Variants in YLPM1 observed in about 807,000 individuals in gnomAD.
YLPM1 encodes the protein YLP motif containing 1, also known as YLP motif-containing protein 1.
Under a neutral mutation model 230.0 loss-of-function variants are expected in YLPM1, and 99 were observed. That is an observed-to-expected ratio of 0.43 (90% CI 0.37 to 0.51). The LOEUF is 0.51. Among genes scored for constraint, YLPM1 ranks in the 20% least tolerant of loss-of-function variants. The pLI is 0.00. For missense variants in YLPM1, 2,592 were observed against 2,707.7 expected, an observed-to-expected ratio of 0.96 and a Z score of 0.95; for synonymous variants, 984 against 942.5, an observed-to-expected ratio of 1.04 and a Z score of -0.81.
chr14:74,802,043 C>T (rs1365140384), intron 5 of YLPM1, among the ~76,000 whole-genome samples: 3 of 151,726 alleles, frequency 2.0e-5, no homozygotes, highest in Non-Finnish European at 4.4e-5. Context: ...AGTGAAACCC[C>T]GTCTCTACTA....
intron 10 of YLPM1, 105 bp from the exon 11 acceptor site, chr14:74,812,523 A>T (rs1482053797): frequency 4.3e-5 from 51 of 1,191,320 alleles, no homozygotes; most frequent in Non-Finnish European, 5.4e-5. Flanking sequence ...CCCCAAAATC[A>T]CTGGACTTGG....
intron 11 of YLPM1, among the ~76,000 whole-genome samples, chr14:74,814,366 A>C (rs1046443211): frequency 1.3e-5 from 2 of 152,220 alleles, no homozygotes; most frequent in Non-Finnish European, 2.9e-5. Flanking sequence ...GTCTTTAAAA[A>C]AAAGAAGAAT....
Position 74,817,016 on chromosome 14 carries a change from G to A in YLPM1, c.5771G>A (p.Gly1924Asp), listed in dbSNP as rs1287573437. ...FKTFKKTLDD[G>D]FFPFIILDAI... Reference sequence around the variant, plus strand: ...ACTTTCAAAAAGACTCTGGATGATGGCTTTTTTCCCTTCATCATCCTGGAT... The same window carrying A: ...ACTTTCAAAAAGACTCTGGATGATGACTTTTTTCCCTTCATCATCCTGGAT... The change falls in exon 14 of 21, where the codon GGC becomes GAC. Residue 1924 changes from glycine to aspartate, a missense_variant. By Grantham distance (94) the Gly-to-Asp change is moderately conservative (BLOSUM62 -1). This residue lies in a region of YLPM1 where 315 missense variants were observed against 429.3 expected (regional missense o/e 0.73). Coordinates refer to ENST00000325680, the MANE Select transcript of YLPM1 (RefSeq NM_019589.3). 1 of 1,611,884 alleles carries A rather than the reference G, an allele frequency of 6.2e-7. No individual in the cohort carries two copies. Among genetic ancestry groups the A allele is most frequent in the Admixed American group, 1.7e-5 (1 of 59,646 alleles).
chr14:74,834,221 C>T (rs1256417462), intron 19 of YLPM1, among the ~76,000 whole-genome samples: 1 of 149,974 alleles, frequency 6.7e-6, no homozygotes, highest in African/African-American at 2.5e-5. Context: ...TTTTAAAAAG[C>T]ATAATATGTA....
chr14:74,815,181 C>T (rs1040991347), intron 11 of YLPM1, among the ~76,000 whole-genome samples: 1 of 152,198 alleles, frequency 6.6e-6, no homozygotes, highest in Non-Finnish European at 1.5e-5. Context: ...ATTATAGGCA[C>T]ATGCCACTGA....
At chr14:74,813,664 T>A (rs937877291) in intron 11 of YLPM1, among the ~76,000 whole-genome samples, 6 of 152,192 alleles carry the variant, frequency 3.9e-5, no homozygotes, top group African/African-American at 1.4e-4. Context: ...AGGTATTTTG[T>A]GTAATGCTGG....
chr14:74,776,338 T>G (rs1387338183), intron 1 of YLPM1, among the ~76,000 whole-genome samples: 2 of 152,218 alleles, frequency 1.3e-5, no homozygotes, highest in Non-Finnish European at 2.9e-5. Flanking sequence ...CACATAGCCT[T>G]GTTTATGTGT....
Position 74,821,087 on chromosome 14 carries a change from G to A in YLPM1, c.6061G>A (p.Glu2021Lys), listed in dbSNP as rs770129534. Residue 2021 changes from glutamate (E) to lysine (K), a missense_variant, in exon 17 of 21, where the codon GAA becomes AAA. Around this residue, in one of 4 missense-constraint regions of YLPM1, gnomAD observed 315 missense variants for 429.3 expected, o/e 0.73. Transcript: ENST00000325680. ...GATGGAAGATTTTGATGCAAATATC[G>A]AAGAACAGAAAGAAGAAAAGAAAGA... Reference protein sequence around the residue: ...VEMEDFDANIEEQKEEKKDAE... With the variant: ...VEMEDFDANIKEQKEEKKDAE... 2.0e-6 allele frequency: 3 copies of A among 1,534,326 alleles called. No individual in the cohort carries two copies. The highest frequency in any genetic ancestry group is 1.4e-5 in the African/African-American group (1 of 71,556).
intron 1 of YLPM1, among the ~76,000 whole-genome samples, chr14:74,765,575 C>A (rs939334955): frequency 2.6e-5 from 4 of 152,170 alleles, no homozygotes; most frequent in African/African-American, 9.7e-5. Flanking sequence ...TAGAGACAGA[C>A]TTTCTGTCCT....
In YLPM1 at chr14:74,782,234, A is replaced by G. The variant is rs375674613; in HGVS notation, c.2191A>G (p.Ile731Val). 1.4e-5 allele frequency: 23 copies of G among 1,599,902 alleles called. No individual in the cohort carries two copies. The highest frequency in any genetic ancestry group is 4.5e-5 in the East Asian group (2 of 44,884). ...GTCTTCAGCTGCTCCATCTCAGCCAATCACTGCAGTGAAGGACATGCCAGT... is the reference window on the plus strand; with the variant it reads ...GTCTTCAGCTGCTCCATCTCAGCCAGTCACTGCAGTGAAGGACATGCCAGT... The part of the protein sequence containing the change: ...GESSAAPSQP[I>V]TAVKDMPVRS... The change falls in exon 4 of 21, where the codon ATC becomes GTC. Residue 731 changes from isoleucine to valine, a missense_variant. This residue lies in a region of YLPM1 where 1,862 missense variants were observed against 1,819.8 expected (regional missense o/e 1.02). Coordinates refer to ENST00000325680, the MANE Select transcript of YLPM1 (RefSeq NM_019589.3).
chr14:74,797,631 G>A lies in YLPM1; in HGVS notation c.2334G>A (p.Pro778=), dbSNP rs372238771. The A allele has an allele frequency of 3.9e-6, 6 of 1,554,922 alleles. No individual in the cohort carries two copies. Among genetic ancestry groups the A allele is most frequent in the East Asian group, 2.3e-5 (1 of 43,832 alleles). Reference sequence around the variant, plus strand: ...ATTTAGGGTCAAGGTGTGAAGGACCGAGACCCAAAGGGCCTCGTTTTGAAG... The same window carrying A: ...ATTTAGGGTCAAGGTGTGAAGGACCAAGACCCAAAGGGCCTCGTTTTGAAG... ...FEDLGSRCEG[P]RPKGPRFEGN... The change falls in exon 5 of 21, where the codon CCG becomes CCA. Residue 778 remains proline (P), a synonymous_variant. Coordinates refer to ENST00000325680, the MANE Select transcript of YLPM1 (RefSeq NM_019589.3).
chr14:74,804,546 CTT>C (rs2140118226), intron 6 of YLPM1, among the ~76,000 whole-genome samples: 1 of 152,314 alleles, frequency 6.6e-6, no homozygotes, highest in Non-Finnish European at 1.5e-5. Flanking sequence ...AGCCTAGAGT[CTT>C]TTCTTTGCCT....
At chr14:74,777,852 A>G (rs996925960) in intron 1 of YLPM1, among the ~76,000 whole-genome samples, 1 of 151,942 alleles carries the variant, frequency 6.6e-6, no homozygotes, top group Admixed American at 6.6e-5. Context: ...GTGCATGCCT[A>G]CGAACCCAGC....
chr14:74,788,832 ACT>A (rs1383996553), intron 4 of YLPM1, among the ~76,000 whole-genome samples: 4 of 152,134 alleles, frequency 2.6e-5, no homozygotes, highest in African/African-American at 9.7e-5. Context: ...TGAGATCCTG[ACT>A]CAAAAAAAAA....
chr14:74,831,637 C>T (rs1031501666), intron 19 of YLPM1, among the ~76,000 whole-genome samples: 2 of 152,154 alleles, frequency 1.3e-5, no homozygotes, highest in African/African-American at 4.8e-5. Flanking sequence ...TAAAGTTGCT[C>T]CTCTTTAAGT....
intron 1 of YLPM1, among the ~76,000 whole-genome samples, chr14:74,769,930 C>G (rs1479030054): frequency 7.0e-6 from 1 of 143,542 alleles, no homozygotes; most frequent in Non-Finnish European, 1.5e-5. Flanking sequence ...CGCCTGTAAT[C>G]CCAGCACTTT....
Position 74,799,376 on chromosome 14 carries a change from G to A in YLPM1, c.4079G>A (p.Gly1360Glu), listed in dbSNP as rs1401136740. The change falls in exon 5 of 21, where the codon GGG becomes GAG. Residue 1360 changes from glycine to glutamate, a missense_variant. Coordinates refer to ENST00000325680, the MANE Select transcript of YLPM1 (RefSeq NM_019589.3). The stretch of plus-strand genomic sequence containing the variant: ...AGAGAAGAAAGAAATCGAGAGCATG[G>A]GTATGATCGAGATTTCCGTGATAGG... ...RWREERNREH[G>E]YDRDFRDRGE... 6.2e-7 allele frequency: 1 copy of A among 1,613,858 alleles called. No individual in the cohort carries two copies. Among genetic ancestry groups the A allele is most frequent in the African/African-American group, 1.3e-5 (1 of 74,902 alleles).
intron 11 of YLPM1, among the ~76,000 whole-genome samples, chr14:74,813,767 G>A (rs2091454784): frequency 1.3e-5 from 2 of 152,048 alleles, no homozygotes; most frequent in East Asian, 1.9e-4. Context: ...TTTTTGGATT[G>A]TTCCTTGCAA....
chr14:74,797,630 C>T lies in YLPM1; in HGVS notation c.2333C>T (p.Pro778Leu), dbSNP rs546830525. ...FEDLGSRCEG[P>L]RPKGPRFEGN... ...GATTTAGGGTCAAGGTGTGAAGGAC[C>T]GAGACCCAAAGGGCCTCGTTTTGAA... The change falls in exon 5 of 21, where the codon CCG becomes CTG. Residue 778 changes from proline (P) to leucine (L), a missense_variant. Physicochemically the swap from Pro to Leu is moderately conservative, Grantham distance 98. Transcript: ENST00000325680. The T allele has an allele frequency of 2.0e-5, 31 of 1,551,096 alleles. No individual in the cohort carries two copies. The South Asian group carries it at 2.4e-4, about 12-fold the overall frequency.
Sources: allele counts gnomAD v4.1 joint callset (sites outside exome capture counted in the v4.1 genomes callset), GRCh38; gene constraint gnomAD v4.1.1; regional missense constraint gnomAD v4.1.1; transcripts MANE v1.5; gene names NCBI Gene and HGNC (gene_info 2026-07-23, HGNC 2026-07-21).